RABGAP1L: variants seen among roughly 807,000 people sequenced by gnomAD.
RABGAP1L encodes RAB GTPase activating protein 1 like, also known as rab GTPase-activating protein 1-like.
A neutral mutation model predicts 137.7 loss-of-function variants in RABGAP1L; 63 were observed. The ratio of observed to expected loss-of-function variants is 0.46; its 90% CI spans 0.37 to 0.56. The LOEUF is 0.56. Among genes scored for constraint, RABGAP1L ranks in the 20% least tolerant of loss-of-function variants. The pLI is 0.00. For synonymous variants in RABGAP1L, 431 were observed against 433.7 expected (o/e 0.99, Z 0.08); for missense variants, 1,095 against 1,244.0 (o/e 0.88, Z 1.80).
rs548929097 is a variant in RABGAP1L at position 174,473,133 on chromosome 1, G to A, written c.1710+78988G>A. Among the ~76,000 whole-genome samples, 4 of 152,286 alleles carry A rather than the reference G, an allele frequency of 2.6e-5. No individual in the cohort carries two copies. In the East Asian group the frequency reaches 7.7e-4, roughly 29 times the overall value. ...TCTGAATACAGTGAAATGTTGCCAT[G>A]CGTTTAAAGTCAGCCATGGAACATA... is the stretch of plus-strand genomic sequence containing the variant. On this transcript the variant is annotated intron_variant, in intron 13 of 25. Transcript: ENST00000681986.
intron 13 of RABGAP1L, among the ~76,000 whole-genome samples, chr1:174,610,741 A>G (rs1342201264): frequency 1.3e-5 from 2 of 152,138 alleles, no homozygotes; most frequent in African/African-American, 4.8e-5. Context: ...TTTAATGATC[A>G]CCATTCTAAC....
chr1:174,445,822 A>G (rs1018488596), intron 13 of RABGAP1L, among the ~76,000 whole-genome samples: 2 of 152,190 alleles, frequency 1.3e-5, no homozygotes, highest in African/African-American at 4.8e-5. Context: ...TGTCTTGTCC[A>G]TACGAAATAA....
intron 13 of RABGAP1L, among the ~76,000 whole-genome samples, chr1:174,543,702 C>A (rs1422005101): frequency 3.3e-5 from 5 of 152,154 alleles, no homozygotes; most frequent in Non-Finnish European, 4.4e-5. Context: ...ATGGTCTTTA[C>A]CATTTGGCAT....
chr1:174,949,633 A>G (rs16847624), intron 19 of RABGAP1L, among the ~76,000 whole-genome samples: 56,547 of 152,052 alleles, frequency 0.37, 13,873 homozygotes, highest in African/African-American at 0.7. Flanking sequence ...GAAGTTCACA[A>G]TTGGATATGC....
At chr1:174,546,084 C>T (rs1665985805) in intron 13 of RABGAP1L, among the ~76,000 whole-genome samples, 1 of 152,076 alleles carries the variant, frequency 6.6e-6, no homozygotes, top group African/African-American at 2.4e-5. Flanking sequence ...TAGATCTAGC[C>T]TGTAAACTCC....
At chr1:174,657,007 A>G (rs1572705706) in intron 14 of RABGAP1L, among the ~76,000 whole-genome samples, 1 of 152,202 alleles carries the variant, frequency 6.6e-6, no homozygotes, top group East Asian at 1.9e-4. Context: ...AGCCTTGAGC[A>G]TGTACATAGC....
intron 1 of RABGAP1L, 74 bp from the exon 2 acceptor site, chr1:174,219,051 A>T (rs948630854): frequency 8.7e-7 from 1 of 1,145,056 alleles, no homozygotes; most frequent in Non-Finnish European, 1.2e-6. Context: ...TTAAAGCTTT[A>T]TTAGTTCATG....
chr1:174,494,599 T>G (rs1299129221), intron 13 of RABGAP1L, among the ~76,000 whole-genome samples: 2 of 152,212 alleles, frequency 1.3e-5, no homozygotes, highest in East Asian at 1.9e-4. Flanking sequence ...ATTTATTTTC[T>G]CTGTTTTCAT....
At chr1:174,884,437 G>T (rs1654754239) in intron 19 of RABGAP1L, among the ~76,000 whole-genome samples, 1 of 151,936 alleles carries the variant, frequency 6.6e-6, no homozygotes, top group South Asian at 2.1e-4. Context: ...TTCAAATATT[G>T]ATTAGAATAA....
intron 19 of RABGAP1L, among the ~76,000 whole-genome samples, chr1:174,816,183 G>A (rs759606925): frequency 1.7e-5 from 1 of 58,976 alleles, no homozygotes; most frequent in African/African-American, 6.3e-5. Context: ...ATAGAGTTTT[G>A]CTCTTGTTGC....
intron 10 of RABGAP1L, among the ~76,000 whole-genome samples, chr1:174,279,365 C>T (rs1442433054): frequency 6.6e-6 from 1 of 152,010 alleles, no homozygotes; most frequent in Non-Finnish European, 1.5e-5. Context: ...TGAAAAATAA[C>T]TTGAATGCTA....
intron 18 of RABGAP1L, among the ~76,000 whole-genome samples, chr1:174,792,110 T>C (rs1464667947): frequency 6.6e-6 from 1 of 152,210 alleles, no homozygotes; most frequent in Non-Finnish European, 1.5e-5. Flanking sequence ...CTGAATATCT[T>C]GGCTTCCTGA....
chr1:174,935,732 A>C (rs1375220993), intron 19 of RABGAP1L, among the ~76,000 whole-genome samples: 1 of 152,218 alleles, frequency 6.6e-6, no homozygotes, highest in Non-Finnish European at 1.5e-5. Context: ...CTGTAATCCC[A>C]GCACTTTGGG....
intron 7 of RABGAP1L, among the ~76,000 whole-genome samples, chr1:174,256,430 TATG>T (rs1488996805): frequency 1.3e-5 from 2 of 152,180 alleles, no homozygotes; most frequent in African/African-American, 4.8e-5. Context: ...TTCTTCCCAC[TATG>T]ATTACTTTTT....
At chr1:174,218,431 T>C (rs903136766) in intron 1 of RABGAP1L, among the ~76,000 whole-genome samples, 1 of 152,182 alleles carries the variant, frequency 6.6e-6, no homozygotes, top group Non-Finnish European at 1.5e-5. Flanking sequence ...AACTTCTGGA[T>C]ATGATAGTGA....
chr1:174,636,326 G>C (rs1037915046), intron 13 of RABGAP1L, among the ~76,000 whole-genome samples: 1 of 151,966 alleles, frequency 6.6e-6, no homozygotes, highest in Non-Finnish European at 1.5e-5. Context: ...AGACCAGCCT[G>C]TTCCAACACA....
rs531410606 is a variant in RABGAP1L at position 174,737,625 on chromosome 1, C to T, written c.2170-14688C>T. On this transcript the variant is annotated intron_variant, in intron 17 of 25. Transcript: ENST00000681986. The stretch of plus-strand genomic sequence containing the variant: ...CATCTTCAGGTATTAATAGCAACCC[C>T]TCACTCCTTGGTACCAATTTTTATG... Among the ~76,000 whole-genome samples the T allele has an allele frequency of 5.9e-5, 9 of 152,128 alleles. No individual in the cohort carries two copies. In the Middle Eastern group the frequency reaches 0.01, roughly 172 times the overall value.
chr1:174,967,688 T>C (rs1669759712), intron 20 of RABGAP1L, among the ~76,000 whole-genome samples: 1 of 151,918 alleles, frequency 6.6e-6, no homozygotes, highest in South Asian at 2.1e-4. Context: ...GGTATTGCCA[T>C]GTTGCTGAGG....
rs532426848 is a variant in RABGAP1L at position 174,320,383 on chromosome 1, C to T, written c.1465+15256C>T. On this transcript the variant is annotated intron_variant, in intron 11 of 25. Transcript: ENST00000681986. ...TCTGGCTTCTTTACGTAGCATAATG[C>T]CTTTTAGATTTATGTACATCATGTT... Among the ~76,000 whole-genome samples the T allele has an allele frequency of 1.1e-4, 16 of 152,208 alleles. No individual in the cohort carries two copies. In the South Asian group the frequency reaches 3.1e-3, roughly 30 times the overall value.
Sources: gnomAD v4.1 joint callset for allele counts (sites outside exome capture counted in the v4.1 genomes callset) on GRCh38, gnomAD v4.1.1 for gene constraint, MANE v1.5 for transcripts, NCBI Gene and HGNC (gene_info 2026-07-23, HGNC 2026-07-21) for gene names.